Variants in DHX57 observed in about 807,000 individuals in gnomAD.
DHX57 encodes putative ATP-dependent RNA helicase DHX57.
DHX57 carries 105 observed loss-of-function variants against 156.2 expected under a neutral mutation model. The observed-to-expected ratio is 0.67, with a 90% confidence interval of 0.57 to 0.79. The LOEUF (loss-of-function observed/expected upper bound fraction) is 0.79, where lower values mean the gene tolerates loss of function less well. Among genes scored for constraint, DHX57 ranks in the 30% least tolerant of loss-of-function variants. The probability of loss-of-function intolerance (pLI) is 0.00; values close to 1 mark genes in which losing one functional copy is unlikely to be tolerated. For synonymous variants in DHX57, 704 were observed against 595.6 expected, an observed-to-expected ratio of 1.18 and a Z score of -2.65; for missense variants, 1,847 against 1,661.9, an observed-to-expected ratio of 1.11 and a Z score of -1.94.
At chr2:38,819,232 T>C in intron 17 of DHX57, 88 bp from the exon 18 acceptor site, 2 of 1,257,858 alleles carry the variant, frequency 1.6e-6, no homozygotes, top group East Asian at 2.4e-5. Flanking sequence ...TGGAGTGCAG[T>C]GGTGCGATCA....
chr2:38,821,744 T>A (rs1429905957), intron 17 of DHX57, among the ~76,000 whole-genome samples: 2 of 151,672 alleles, frequency 1.3e-5, no homozygotes, highest in African/African-American at 4.8e-5. Flanking sequence ...CAAAGAAAAT[T>A]GACAAATCTT....
At chr2:38,867,149 T>C (rs1008770923) in intron 2 of DHX57, 1 of 152,228 alleles carries the variant, frequency 6.6e-6, no homozygotes, top group South Asian at 2.1e-4. Context: ...TACAGCAACA[T>C]GCTGTATAGA....
chr2:38,866,198 G>A (rs1028863276), intron 2 of DHX57, among the ~76,000 whole-genome samples: 1 of 152,168 alleles, frequency 6.6e-6, no homozygotes, highest in African/African-American at 2.4e-5. Context: ...AAGGCCTTCT[G>A]TCTTACTTCA....
At chr2:38,843,263 G>A in intron 11 of DHX57, 53 bp from the exon 12 acceptor site, 2 of 1,577,088 alleles carry the variant, frequency 1.3e-6, no homozygotes, top group Non-Finnish European at 1.7e-6. Context: ...TTGGTGAGGA[G>A]GGAAAGAATT....
At chr2:38,828,182 T>G (rs779658535) in intron 14 of DHX57, among the ~76,000 whole-genome samples, 158 bp downstream of exon 14, 4 of 152,170 alleles carry the variant, frequency 2.6e-5, no homozygotes, top group Non-Finnish European at 5.9e-5. Flanking sequence ...AAAAAGGGAA[T>G]AACTGATTTC....
chr2:38,811,279 G>T, intron 21 of DHX57: 1 of 518,330 alleles, frequency 1.9e-6, no homozygotes. Flanking sequence ...CCAGCGAGTA[G>T]CAGGCGAGCT....
chr2:38,818,427 T>G (rs1670652324), intron 19 of DHX57, among the ~76,000 whole-genome samples: 3 of 152,144 alleles, frequency 2.0e-5, no homozygotes, highest in Admixed American at 2.0e-4. Flanking sequence ...CTCAGGTGTC[T>G]GAGGCAGGAG....
intron 1 of DHX57, among the ~76,000 whole-genome samples, chr2:38,873,446 C>T (rs561602010): frequency 2.2e-4 from 34 of 152,282 alleles, no homozygotes; most frequent in South Asian, 1.7e-3. Flanking sequence ...TTCAAAATTG[C>T]TGATGATTAT....
chr2:38,863,518 G>A lies in DHX57; in HGVS notation c.226C>T (p.Pro76Ser), dbSNP rs1572709037. 6.2e-7 allele frequency: 1 copy of A among 1,609,144 alleles called. No homozygotes were observed. Among genetic ancestry groups the A allele is most frequent in the Non-Finnish European group, 8.5e-7 (1 of 1,178,846 alleles). ...IFSESRRPSRPSNSNISKGES... is the reference protein window; with the variant it reads ...IFSESRRPSRSSNSNISKGES... ...CCTTTGCTTATGTTACTGTTGCTAGGTCTATAGAGAACAAAAGAGCAAAAT... is the reference window on the plus strand; with the variant it reads ...CCTTTGCTTATGTTACTGTTGCTAGATCTATAGAGAACAAAAGAGCAAAAT... The change falls in exon 3 of 24, where the codon CCT becomes TCT. Residue 76 changes from proline to serine, a missense_variant and splice_region_variant. Pro to Ser is a moderately conservative substitution (Grantham distance 74, BLOSUM62 -1). Transcript: ENST00000457308.
intron 20 of DHX57, among the ~76,000 whole-genome samples, chr2:38,815,290 C>T (rs558324871): frequency 6.6e-6 from 1 of 151,970 alleles, no homozygotes. Flanking sequence ...GTCTCGAACT[C>T]CTGAGCTCAA....
At chr2:38,821,932 C>A (rs184970523) in intron 17 of DHX57, among the ~76,000 whole-genome samples, 43 of 152,194 alleles carry the variant, frequency 2.8e-4, no homozygotes, top group Non-Finnish European at 8.8e-5. Context: ...AATAAACTAT[C>A]ACAACTGACT....
chr2:38,802,593 C>T, intron 23 of DHX57, 122 bp downstream of exon 23: 1 of 1,255,256 alleles, frequency 8.0e-7, no homozygotes. Context: ...CGGCCACCGT[C>T]ATTCATTTTT....
chr2:38,824,310 A>C (rs1670983355), intron 16 of DHX57, among the ~76,000 whole-genome samples: 1 of 152,214 alleles, frequency 6.6e-6, no homozygotes. Context: ...TAAAATAGTC[A>C]AACTCACAGA....
rs1669637005 is a variant in DHX57, at chr2:38,800,614, G to A, written c.4017+2101C>T. Among the ~76,000 whole-genome samples, 4 of 152,294 alleles carry A rather than the reference G, an allele frequency of 2.6e-5. No individual in the cohort carries two copies. The South Asian group carries it at 8.3e-4, about 32-fold the overall frequency. Reference sequence around the variant, plus strand: ...TATTCAAGTTCAGGACATCCCTTTGGTCACAGGGATTGGTTTAGGAGGGGA... The same window carrying A: ...TATTCAAGTTCAGGACATCCCTTTGATCACAGGGATTGGTTTAGGAGGGGA... On this transcript the variant is annotated intron_variant, in intron 23 of 23. Coordinates refer to ENST00000457308, the MANE Select transcript of DHX57 (RefSeq NM_198963.3).
chr2:38,829,681 G>A (rs1671284510), intron 13 of DHX57, among the ~76,000 whole-genome samples: 1 of 152,062 alleles, frequency 6.6e-6, no homozygotes, highest in East Asian at 1.9e-4. Context: ...AGCCTCCCGA[G>A]TAGTTGGGAC....
chr2:38,816,010 G>A, intron 19 of DHX57: 1 of 403,254 alleles, frequency 2.5e-6, no homozygotes, highest in South Asian at 2.0e-5. Flanking sequence ...GTTTTGACTG[G>A]AATTCCAACT....
rs1572625458 is a variant in DHX57 at position 38,811,075 on chromosome 2, G to T, written c.3681+2746C>A. The T allele has an allele frequency of 3.1e-5, 18 of 581,678 alleles. 1 individual carries two copies. In the East Asian group the frequency reaches 6.4e-4, roughly 21 times the overall value. The allele number at this position is 581,678 out of a possible 1,614,324, so 36.0% of individuals were successfully genotyped here. On this transcript the variant is annotated intron_variant, in intron 21 of 23. Transcript: ENST00000457308. ...TCATGTAGAGACCTGAAGGTGGTTG[G>T]TTCTTGGGGTTCTCCAAGATTCCAG... is the stretch of plus-strand genomic sequence containing the variant.
chr2:38,851,329 T>A (rs1293087750), intron 9 of DHX57, among the ~76,000 whole-genome samples: 3 of 152,232 alleles, frequency 2.0e-5, no homozygotes, highest in African/African-American at 4.8e-5. Flanking sequence ...GATCATGTCA[T>A]CTCTGTGATT....
intron 1 of DHX57, among the ~76,000 whole-genome samples, chr2:38,869,586 A>G (rs1477695918): frequency 6.6e-6 from 1 of 152,262 alleles, no homozygotes; most frequent in Non-Finnish European, 1.5e-5. Context: ...AACCATGGGC[A>G]TACCTAAAGC....
Sources: allele counts gnomAD v4.1 joint callset (sites outside exome capture counted in the v4.1 genomes callset), GRCh38; gene constraint gnomAD v4.1.1; transcripts MANE v1.5; gene names NCBI Gene and HGNC (gene_info 2026-07-23, HGNC 2026-07-21).